Variants in CTNNA3 observed in about 807,000 individuals in gnomAD.
The protein encoded by CTNNA3 is catenin alpha 3.
Under a neutral mutation model 95.7 loss-of-function variants are expected in CTNNA3, and 76 were observed. The observed-to-expected ratio is 0.79, with a 90% confidence interval of 0.66 to 0.96. The LOEUF (loss-of-function observed/expected upper bound fraction) is 0.96, where lower values mean the gene tolerates loss of function less well. CTNNA3 is among the 40% of genes least tolerant of loss of function. The pLI is 0.00. For synonymous variants in CTNNA3, 431 were observed against 374.4 expected (o/e 1.15, Z -1.74); for missense variants, 1,191 against 1,089.8 (o/e 1.09, Z -1.31).
chr10:67,288,059 A>T (rs1421158737), intron 5 of CTNNA3, among the ~76,000 whole-genome samples: 1 of 152,226 alleles, frequency 6.6e-6, no homozygotes, highest in Admixed American at 6.5e-5. Context: ...CAATGTGAAG[A>T]TCAGAGGTTT....
At chr10:67,208,304 A>G (rs1011251314) in intron 6 of CTNNA3, among the ~76,000 whole-genome samples, 23 of 149,068 alleles carry the variant, frequency 1.5e-4, no homozygotes, top group Admixed American at 2.0e-4. Flanking sequence ...GCTTGAACCC[A>G]GGAGGCAGAG....
At chr10:66,543,978 T>C (rs1841958773) in intron 10 of CTNNA3, among the ~76,000 whole-genome samples, 1 of 134,518 alleles carries the variant, frequency 7.4e-6, no homozygotes, top group African/African-American at 2.7e-5. Flanking sequence ...TTTTTCTTTA[T>C]TTTATTCTAT....
intron 12 of CTNNA3, among the ~76,000 whole-genome samples, chr10:66,372,262 G>T (rs1433983441): frequency 3.3e-5 from 5 of 152,062 alleles, no homozygotes; most frequent in African/African-American, 1.2e-4. Context: ...ATTGCCTTCA[G>T]CACATAAAGA....
chr10:67,607,184 G>T, intron 2 of CTNNA3, 135 bp from the exon 3 acceptor site: 1 of 617,912 alleles, frequency 1.6e-6, no homozygotes, highest in Non-Finnish European at 2.8e-6. Context: ...CCAACCCACC[G>T]TGCAGTTGAA....
At chr10:66,164,741 G>A (rs956627842) in intron 13 of CTNNA3, among the ~76,000 whole-genome samples, 22 of 152,064 alleles carry the variant, frequency 1.4e-4, no homozygotes, top group Non-Finnish European at 2.6e-4. Context: ...CTAGAATAGT[G>A]ATTTTAAACA....
chr10:66,910,474 C>T (rs1042462692), intron 7 of CTNNA3, among the ~76,000 whole-genome samples: 30 of 152,234 alleles, frequency 2.0e-4, no homozygotes, highest in African/African-American at 7.2e-4. Flanking sequence ...GAATAGCCAA[C>T]TCATAAGCCA....
chr10:66,073,278 A>C (rs1323101762), intron 14 of CTNNA3, among the ~76,000 whole-genome samples: 1 of 152,162 alleles, frequency 6.6e-6, no homozygotes, highest in Admixed American at 6.6e-5. Context: ...AAGTGTTCTC[A>C]CCACAAAGAT....
chr10:66,843,244 C>G (rs10822923), intron 7 of CTNNA3, among the ~76,000 whole-genome samples: 27,245 of 152,058 alleles, frequency 0.18, 2,910 homozygotes, highest in Admixed American at 0.34. Context: ...TACGGGCTCA[C>G]GATCACAGGG....
intron 11 of CTNNA3, among the ~76,000 whole-genome samples, chr10:66,483,515 C>G (rs1839615833): frequency 6.6e-6 from 1 of 152,102 alleles, no homozygotes; most frequent in African/African-American, 2.4e-5. Flanking sequence ...AAATTATCAA[C>G]TACAATCTCA....
intron 14 of CTNNA3, among the ~76,000 whole-genome samples, chr10:66,093,631 C>T (rs997554665): frequency 1.3e-5 from 2 of 152,004 alleles, no homozygotes; most frequent in Non-Finnish European, 2.9e-5. Flanking sequence ...AATAAAATGG[C>T]GTAGTGAAGG....
At chr10:66,011,703 T>C (rs1296851223) in intron 15 of CTNNA3, among the ~76,000 whole-genome samples, 1 of 152,206 alleles carries the variant, frequency 6.6e-6, no homozygotes, top group Non-Finnish European at 1.5e-5. Context: ...CCCATATTTA[T>C]ACTATTCCAG....
At chr10:67,632,125 G>GT (rs1465595086) in intron 2 of CTNNA3, among the ~76,000 whole-genome samples, 2 of 75,506 alleles carry the variant, frequency 2.6e-5, no homozygotes, top group African/African-American at 1.7e-4. Context: ...AAGTGTCTTA[G>GT]CCACACACAC....
At chr10:66,164,289 T>C (rs1035683388) in intron 13 of CTNNA3, among the ~76,000 whole-genome samples, 1 of 152,192 alleles carries the variant, frequency 6.6e-6, no homozygotes, top group Non-Finnish European at 1.5e-5. Flanking sequence ...ATGAGAACTA[T>C]TATTTTCTAA....
chr10:66,060,933 T>C (rs2080183656), intron 15 of CTNNA3, among the ~76,000 whole-genome samples: 1 of 152,024 alleles, frequency 6.6e-6, no homozygotes, highest in African/African-American at 2.4e-5. Context: ...TAGGAAGAAA[T>C]TTGAAAGATG....
intron 7 of CTNNA3, among the ~76,000 whole-genome samples, chr10:67,038,128 C>A (rs968189755): frequency 1.3e-5 from 2 of 152,028 alleles, no homozygotes; most frequent in Admixed American, 1.3e-4. Context: ...TATTGTAGAG[C>A]AAGCATTTCA....
Position 66,927,453 on chromosome 10 carries a change from C to T in CTNNA3, c.1048-151929G>A. 1 of 1,614,146 alleles carries T rather than the reference C, an allele frequency of 6.2e-7. No homozygotes were observed. Among genetic ancestry groups the T allele is most frequent in the Non-Finnish European group, 8.5e-7 (1 of 1,180,044 alleles). Reference sequence around the variant, plus strand: ...CCATCCCTGTGCGAATATTCCAAGACTGCCGCAACCTGGAACTTTTGGACC... The same window carrying T: ...CCATCCCTGTGCGAATATTCCAAGATTGCCGCAACCTGGAACTTTTGGACC... On this transcript the variant is annotated intron_variant, in intron 7 of 17. Coordinates refer to ENST00000433211, the MANE Select transcript of CTNNA3 (RefSeq NM_013266.4). The surrounding 1 kb of genome is among the most constrained non-coding windows in gnomAD (Gnocchi z 4.7).
chr10:66,444,656 A>C (rs1431558481), intron 11 of CTNNA3, among the ~76,000 whole-genome samples: 1 of 152,132 alleles, frequency 6.6e-6, no homozygotes, highest in Non-Finnish European at 1.5e-5. Flanking sequence ...GCCTGCCCTA[A>C]AAGAGCTCCT....
At chr10:66,360,664 TTCCTTCCTTCCTTC>T (rs1564896332) in intron 12 of CTNNA3, among the ~76,000 whole-genome samples, 2 of 58,106 alleles carry the variant, frequency 3.4e-5, no homozygotes, top group African/African-American at 1.1e-4. Flanking sequence ...TCTTTCTTCC[TTCCTTCCTTCCTTC>T]CTTCCTTCCT....
At chr10:67,490,934 C>A (rs1267639677) in intron 5 of CTNNA3, among the ~76,000 whole-genome samples, 1 of 152,090 alleles carries the variant, frequency 6.6e-6, no homozygotes, top group Non-Finnish European at 1.5e-5. Context: ...AGGAAATAAA[C>A]TATCTTTTAC....
Sources: allele counts gnomAD v4.1 joint callset (sites outside exome capture counted in the v4.1 genomes callset), GRCh38; gene constraint gnomAD v4.1.1; non-coding constraint Gnocchi (gnomAD v3.1); transcripts MANE v1.5; gene names NCBI Gene and HGNC (gene_info 2026-07-23, HGNC 2026-07-21).